PTPRB: variants seen among roughly 807,000 people sequenced by gnomAD.
The protein encoded by PTPRB is protein tyrosine phosphatase receptor type B, also known as receptor-type tyrosine-protein phosphatase beta.
In PTPRB, 97 loss-of-function variants were observed where a neutral mutation model predicts 238.1. The ratio of observed to expected loss-of-function variants is 0.41; its 90% confidence interval spans 0.35 to 0.48. The LOEUF (loss-of-function observed/expected upper bound fraction) is 0.48. Among genes scored for constraint, PTPRB ranks in the 20% least tolerant of loss-of-function variants. PTPRB has a pLI of 0.30. For synonymous variants in PTPRB, 970 were observed against 995.4 expected (o/e 0.97, Z 0.48); for missense variants, 2,292 against 2,681.9 (o/e 0.85, Z 3.21).
At position 70,589,996 on chromosome 12, in the gene PTPRB, A is replaced by C. The variant is rs1177908981; in HGVS notation, c.2018T>G (p.Leu673Trp). 6.2e-7 allele frequency: 1 copy of C among 1,613,986 alleles called. No individual in the cohort carries two copies. Among genetic ancestry groups the C allele is most frequent in the South Asian group, 1.1e-5 (1 of 91,082 alleles). ...EVEVIVESGN[L>W]KNSERCQGRT... ...GCCTTGGCAACGCTCAGAATTCTTC[A>C]AATTTCCACTCTCAACAATGACTTC... The change falls in exon 8 of 34, where the codon TTG becomes TGG. Residue 673 changes from leucine (L) to tryptophan (W), a missense_variant. Leu to Trp is a moderately conservative substitution (Grantham distance 61). This residue lies in a region of PTPRB where 1,205 missense variants were observed against 1,287.8 expected (regional missense o/e 0.94). Coordinates refer to ENST00000334414, the MANE Select transcript of PTPRB (RefSeq NM_001109754.4).
At chr12:70,600,667 G>A (rs1419215306) in intron 4 of PTPRB, among the ~76,000 whole-genome samples, 2 of 151,924 alleles carry the variant, frequency 1.3e-5, no homozygotes, top group Non-Finnish European at 2.9e-5. Flanking sequence ...TTCATTTTGT[G>A]TTGGATTACT....
At chr12:70,636,248 C>T (rs1239110800) in intron 1 of PTPRB, among the ~76,000 whole-genome samples, 182 bp from the exon 2 acceptor site, 8 of 150,132 alleles carry the variant, frequency 5.3e-5, no homozygotes, top group African/African-American at 9.8e-5. Flanking sequence ...CCAAAGCTGA[C>T]GATATAAAAT....
intron 2 of PTPRB, among the ~76,000 whole-genome samples, chr12:70,630,176 A>G (rs1188703104): frequency 3.3e-5 from 5 of 152,188 alleles, no homozygotes; most frequent in Admixed American, 3.3e-4. Context: ...TCAATAAAAT[A>G]CTGGCAAACC....
At chr12:70,567,662 C>T in intron 14 of PTPRB, among the ~76,000 whole-genome samples, 1 of 152,190 alleles carries the variant, frequency 6.6e-6, no homozygotes. Flanking sequence ...TGACCAGTCA[C>T]TTGTGTCCTT....
At chr12:70,629,943 G>A (rs1885372186) in intron 2 of PTPRB, among the ~76,000 whole-genome samples, 1 of 152,118 alleles carries the variant, frequency 6.6e-6, no homozygotes, top group South Asian at 2.1e-4. Flanking sequence ...TGAAATTGAG[G>A]CAATAATTAA....
intron 4 of PTPRB, among the ~76,000 whole-genome samples, chr12:70,603,798 T>C (rs891860703): frequency 2.6e-5 from 4 of 152,206 alleles, no homozygotes; most frequent in African/African-American, 4.8e-5. Flanking sequence ...AAGTGTTAAA[T>C]AACTTGCCCA....
Position 70,571,231 on chromosome 12 carries a change from C to T in PTPRB, c.3165G>A (p.Val1055=), listed in dbSNP as rs1291741008. 1 of 1,612,322 alleles carries T rather than the reference C, an allele frequency of 6.2e-7. No individual in the cohort carries two copies. The highest frequency in any genetic ancestry group is 1.1e-5 in the South Asian group (1 of 91,012). ...LRNRSTEDLH[V]TWSGANGDVD... The stretch of plus-strand genomic sequence containing the variant: ...CATCCCCATTAGCTCCTGACCAAGT[C>T]ACATGCAAGTCCTCAGTGCTCCTGT... The change falls in exon 13 of 34, where the codon GTG becomes GTA. Residue 1055 remains valine (V), a synonymous_variant. Coordinates refer to ENST00000334414, the MANE Select transcript of PTPRB (RefSeq NM_001109754.4).
chr12:70,617,157 G>T (rs986853636), intron 3 of PTPRB, among the ~76,000 whole-genome samples: 2 of 152,072 alleles, frequency 1.3e-5, no homozygotes, highest in African/African-American at 4.8e-5. Flanking sequence ...AATGCAAATC[G>T]CCCATCACTA....
chr12:70,599,976 G>GTT (rs11471163), intron 4 of PTPRB, among the ~76,000 whole-genome samples: 16 of 137,980 alleles, frequency 1.2e-4, no homozygotes, highest in Non-Finnish European at 1.6e-4. Flanking sequence ...GAAAGACCCT[G>GTT]TTTTTTTTTT....
chr12:70,616,291 C>T (rs1173412947), intron 3 of PTPRB, among the ~76,000 whole-genome samples: 1 of 152,056 alleles, frequency 6.6e-6, no homozygotes, highest in South Asian at 2.1e-4. Flanking sequence ...TTTAAAATGA[C>T]CATTCTGACA....
At chr12:70,578,996 A>G (rs1431046155) in intron 10 of PTPRB, among the ~76,000 whole-genome samples, 1 of 152,094 alleles carries the variant, frequency 6.6e-6, no homozygotes, top group African/African-American at 2.4e-5. Flanking sequence ...AGCTCTGAGG[A>G]CCTACAGCAA....
At chr12:70,538,886 G>C (rs1277008018) in intron 27 of PTPRB, 38 bp downstream of exon 27, 8 of 1,509,912 alleles carry the variant, frequency 5.3e-6, no homozygotes, top group Non-Finnish European at 7.3e-6. Context: ...GAAATGGCTA[G>C]AGGAAGACAG....
chr12:70,586,351 T>C (rs1881913907), intron 9 of PTPRB, among the ~76,000 whole-genome samples: 1 of 152,250 alleles, frequency 6.6e-6, no homozygotes, highest in Non-Finnish European at 1.5e-5. Context: ...TAACTGAACT[T>C]CCACCATGAT....
In PTPRB at chr12:70,609,115, G is replaced by C. The variant is rs747822943; in HGVS notation, c.933C>G (p.Phe311Leu). ...TCTCTTCATCCAGAGAAATAATCCTGAAGTTATAGATGGTTCCTGCTTGTA... is the reference window on the plus strand; with the variant it reads ...TCTCTTCATCCAGAGAAATAATCCTCAAGTTATAGATGGTTCCTGCTTGTA... ...QDLQAGTIYN[F>L]RIISLDEERT... The change falls in exon 4 of 34, where the codon TTC becomes TTG. Residue 311 changes from phenylalanine to leucine, a missense_variant. Phe to Leu is a conservative substitution (Grantham distance 22, BLOSUM62 0). Around this residue, in one of 4 missense-constraint regions of PTPRB, gnomAD observed 1,205 missense variants for 1,287.8 expected, o/e 0.94. Transcript: ENST00000334414. 3.7e-6 allele frequency: 6 copies of C among 1,613,898 alleles called. No homozygotes were observed. Among genetic ancestry groups the C allele is most frequent in the Non-Finnish European group, 5.1e-6 (6 of 1,179,810 alleles).
Position 70,576,661 on chromosome 12 carries a change from G to A in PTPRB, c.2579-16C>T, listed in dbSNP as rs775033042. The A allele has an allele frequency of 3.1e-5, 12 of 384,208 alleles. No individual in the cohort carries two copies. The highest frequency in any genetic ancestry group is 2.5e-4 in the South Asian group (10 of 40,572). The allele number at this position is 384,208 out of a possible 1,614,324, so 23.8% of individuals were successfully genotyped here. On this transcript the variant is annotated splice_polypyrimidine_tract_variant and intron_variant, in intron 10 of 33. Coordinates refer to ENST00000334414, the MANE Select transcript of PTPRB (RefSeq NM_001109754.4). ...CTGGAAGGGACTGTGATTTTGAAAG[G>A]TGGGGGGCGGGGGGGGGGGGGAAGG...
rs982330954 is a variant in PTPRB, at chr12:70,562,715, T to C, written c.4168+129A>G. 29 of 1,224,476 alleles carry C rather than the reference T, an allele frequency of 2.4e-5. No individual in the cohort carries two copies. In the Middle Eastern group the frequency reaches 8.0e-4, roughly 34 times the overall value. 75.9% of individuals were successfully genotyped at this position (1,224,476 alleles called of 1,614,324 possible). ...AGGTGCGATTTAGGGTCAAACAGCC[T>C]GAAAGTCACAAATGCCATATAAAGC... is the stretch of plus-strand genomic sequence containing the variant. On this transcript the variant is annotated intron_variant, in intron 16 of 33. Transcript: ENST00000334414.
In PTPRB at chr12:70,620,553, T is replaced by C. The variant is rs756070119; in HGVS notation, c.708+1837A>G. Among the ~76,000 whole-genome samples the C allele has an allele frequency of 4.6e-5, 7 of 152,350 alleles. 1 individual carries two copies. In the South Asian group the frequency reaches 1.4e-3, roughly 32 times the overall value. ...ACTGTTACATATATTTAAGCTATGA[T>C]ATAAATAAAATCTCTTGTAAACTGA... On this transcript the variant is annotated intron_variant, in intron 3 of 33. Coordinates refer to ENST00000334414, the MANE Select transcript of PTPRB (RefSeq NM_001109754.4).
At position 70,540,945 on chromosome 12, in the gene PTPRB, C is replaced by G; in HGVS notation, c.5507G>C (p.Gly1836Ala). The change falls in exon 23 of 34, where the codon GGA becomes GCA. Residue 1836 changes from glycine (G) to alanine (A), a missense_variant. Gly to Ala is a moderately conservative substitution (Grantham distance 60). Coordinates refer to ENST00000334414, the MANE Select transcript of PTPRB (RefSeq NM_001109754.4). ...PITTESEPLF[G>A]AIEGVSAGLF... ...ACCAGCACTCACACCTTCAATAGCT[C>G]CAAACAAGGGCTCTACAATAATCCA... is the stretch of plus-strand genomic sequence containing the variant. 7 of 1,603,110 alleles carry G rather than the reference C, an allele frequency of 4.4e-6. No homozygotes were observed. The highest frequency in any genetic ancestry group is 6.0e-6 in the Non-Finnish European group (7 of 1,174,646).
At chr12:70,621,784 C>T (rs986166664) in intron 3 of PTPRB, among the ~76,000 whole-genome samples, 7 of 152,162 alleles carry the variant, frequency 4.6e-5, no homozygotes, top group African/African-American at 1.7e-4. Context: ...TGGACTAAAA[C>T]TCTGCAAGGA....
Sources: allele counts gnomAD v4.1 joint callset (sites outside exome capture counted in the v4.1 genomes callset), GRCh38; gene constraint gnomAD v4.1.1; regional missense constraint gnomAD v4.1.1; transcripts MANE v1.5; gene names NCBI Gene and HGNC (gene_info 2026-07-23, HGNC 2026-07-21).